ESYT1: variants seen among roughly 807,000 people sequenced by gnomAD.
ESYT1 encodes extended synaptotagmin 1, also known as extended synaptotagmin-1.
In ESYT1, 116 loss-of-function variants were observed where a neutral mutation model predicts 154.2. That is an observed-to-expected ratio of 0.75 (90% CI 0.65 to 0.88). The LOEUF (loss-of-function observed/expected upper bound fraction) is 0.88. ESYT1 is among the 40% of genes least tolerant of loss of function. ESYT1 has a pLI of 0.00. For missense variants in ESYT1, 1,264 were observed against 1,379.3 expected (o/e 0.92, Z 1.32); for synonymous variants, 500 against 539.9 (o/e 0.93, Z 1.02).
At chr12:56,136,060 C>CAAAA (rs72370981) in intron 15 of ESYT1, among the ~76,000 whole-genome samples, 4 of 45,740 alleles carry the variant, frequency 8.7e-5, no homozygotes, top group Admixed American at 4.4e-4. Context: ...ACTCTGTCTC[C>CAAAA]AAAAAAAAAA....
At chr12:56,135,616 G>C (rs1048048851) in intron 15 of ESYT1, among the ~76,000 whole-genome samples, 1 of 151,922 alleles carries the variant, frequency 6.6e-6, no homozygotes, top group Non-Finnish European at 1.5e-5. Context: ...CTAAGGCCAG[G>C]CATGGTGGCT....
chr12:56,142,206 CG>C lies in ESYT1; in HGVS notation c.2593-78del. 1.3e-6 allele frequency: 2 copies of C among 1,545,766 alleles called. No homozygotes were observed. The highest frequency in any genetic ancestry group is 1.8e-6 in the Non-Finnish European group (2 of 1,133,600). On this transcript the variant is annotated intron_variant, in intron 24 of 30. Coordinates refer to ENST00000394048, the MANE Select transcript of ESYT1 (RefSeq NM_015292.3). The surrounding 1 kb of genome is among the most constrained non-coding windows in gnomAD (Gnocchi z 4.1). ...TCACCAAACCACCTATGAGTCCAAGCGTTTGGACCTTTAAAACACCAGGATT... is the reference window on the plus strand; with the variant it reads ...TCACCAAACCACCTATGAGTCCAAGCTTTGGACCTTTAAAACACCAGGATT...
Position 56,128,641 on chromosome 12 carries a change from C to T in ESYT1, c.322C>T (p.Leu108=). ...KERSLRAARQ[L]LDDEEQLTAK... ...ACGGAGCCTTCGAGCAGCGAGGCAG[C>T]TACTGGACGACGAGGAGCAGCTCAC... The change falls in exon 1 of 31, where the codon CTA becomes TTA. Residue 108 remains leucine (L), a synonymous_variant. Coordinates refer to ENST00000394048, the MANE Select transcript of ESYT1 (RefSeq NM_015292.3). 6.2e-7 allele frequency: 1 copy of T among 1,614,174 alleles called. No homozygotes were observed. Among genetic ancestry groups the T allele is most frequent in the Admixed American group, 1.7e-5 (1 of 60,036 alleles).
intron 10 of ESYT1, among the ~76,000 whole-genome samples, 172 bp downstream of exon 10, chr12:56,132,973 G>A (rs1198398111): frequency 6.6e-6 from 1 of 151,944 alleles, no homozygotes; most frequent in Non-Finnish European, 1.5e-5. Flanking sequence ...ACAAAAATTA[G>A]CCGGGTGTGG....
intron 24 of ESYT1, among the ~76,000 whole-genome samples, chr12:56,139,833 C>T (rs10129008): frequency 2.0e-5 from 3 of 151,846 alleles, no homozygotes; most frequent in Non-Finnish European, 4.4e-5. Flanking sequence ...GGTTATCCAT[C>T]CACCTCAGCC....
rs771102034 is a variant in ESYT1 at position 56,133,766 on chromosome 12, A to G, written c.1381-15A>G. 1.9e-6 allele frequency: 3 copies of G among 1,613,628 alleles called. No homozygotes were observed. Among genetic ancestry groups the G allele is most frequent in the Non-Finnish European group, 1.7e-6 (2 of 1,179,738 alleles). On this transcript the variant is annotated splice_polypyrimidine_tract_variant and intron_variant, in intron 12 of 30. Transcript: ENST00000394048. ...GAACGGGGACCAAGATCTGACTACT[A>G]CCACCCCTCCCCAGGTTCTACAGTG...
At position 56,143,310 on chromosome 12, in the gene ESYT1, A is replaced by C. The variant is rs1870790439; in HGVS notation, c.3202A>C (p.Arg1068=). The C allele has an allele frequency of 3.7e-6, 6 of 1,614,120 alleles. No individual in the cohort carries two copies. The highest frequency in any genetic ancestry group is 4.2e-6 in the Non-Finnish European group (5 of 1,180,028). Residue 1068 remains arginine, a synonymous_variant, in exon 29 of 31, where the codon AGA becomes CGA. Transcript: ENST00000394048. The stretch of plus-strand genomic sequence containing the variant: ...CAAGTCTAATTCCTCCTTCATGTCA[A>C]GAGAGCGTGAGCTGCTGGGGAAGGT... ...SVKSNSSFMS[R]ERELLGKVQL... is the part of the protein sequence containing the mutation.
At chr12:56,136,604 A>G in intron 15 of ESYT1, 140 bp from the exon 16 acceptor site, 1 of 687,476 alleles carries the variant, frequency 1.5e-6, no homozygotes, top group East Asian at 3.4e-5. Context: ...AAAAAAAAAA[A>G]AAAAAAGATG....
intron 5 of ESYT1, 28 bp from the exon 6 acceptor site, chr12:56,131,449 A>G: frequency 3.1e-6 from 5 of 1,613,638 alleles, no homozygotes; most frequent in Non-Finnish European, 4.2e-6. Context: ...TTCTGGGGAA[A>G]GGCTTTGATT....
At chr12:56,133,935 G>A in intron 13 of ESYT1, 62 bp downstream of exon 13, 6 of 1,570,456 alleles carry the variant, frequency 3.8e-6, no homozygotes, top group Non-Finnish European at 4.4e-6. Context: ...GCCTTGCTGA[G>A]GATGCAAATG....
chr12:56,133,911 C>A lies in ESYT1; in HGVS notation c.1473+38C>A, dbSNP rs749356191. 10 of 1,598,472 alleles carry A rather than the reference C, an allele frequency of 6.3e-6. No homozygotes were observed. The African/African-American group carries it at 1.1e-4, about 17-fold the overall frequency. ...GGGTGAACAGGAGCCCTGGATGTAA[C>A]ATTCCCCAACCCTGCCTTGCTGAGG... On this transcript the variant is annotated intron_variant, in intron 13 of 30. Transcript: ENST00000394048.
At position 56,136,850 on chromosome 12, in the gene ESYT1, G is replaced by A; in HGVS notation, c.1739G>A (p.Ser580Asn). 6.2e-7 allele frequency: 1 copy of A among 1,612,506 alleles called. No homozygotes were observed. Among genetic ancestry groups the A allele is most frequent in the African/African-American group, 1.3e-5 (1 of 74,976 alleles). The change falls in exon 16 of 31, where the codon AGC (serine) becomes AAC (asparagine). Residue 580 changes from serine (S) to asparagine (N), a missense_variant. Ser to Asn is a conservative substitution (Grantham distance 46). Coordinates refer to ENST00000394048, the MANE Select transcript of ESYT1 (RefSeq NM_015292.3). ...LILDQWFQLS[S>N]SGPNSRLYMK... ...CTGGACCAGTGGTTCCAGCTCAGCA[G>A]CTCTGGTCCAAACTCCAGACTCTAT...
At chr12:56,143,790 A>G (rs750487757) in intron 30 of ESYT1, 33 bp from the exon 31 acceptor site, 3 of 1,613,700 alleles carry the variant, frequency 1.9e-6, no homozygotes, top group South Asian at 2.2e-5. Context: ...ATGACACAAG[A>G]GTCATCTTTC....
At chr12:56,133,349 T>C in intron 10 of ESYT1, 68 bp from the exon 11 acceptor site, 1 of 1,584,800 alleles carries the variant, frequency 6.3e-7, no homozygotes, top group South Asian at 1.1e-5. Context: ...GGAGGGCCAC[T>C]GACATGCTGC....
chr12:56,136,719 A>G, intron 15 of ESYT1, 25 bp from the exon 16 acceptor site: 32 of 1,575,306 alleles, frequency 2.0e-5, no homozygotes, highest in Non-Finnish European at 2.7e-5. Context: ...TCCCTTCACT[A>G]CAGTCCTTCC....
intron 21 of ESYT1, 31 bp downstream of exon 21, chr12:56,138,303 C>T: frequency 6.2e-7 from 1 of 1,613,354 alleles, no homozygotes. Flanking sequence ...AAGGAAGGGA[C>T]CCAAGGTGGG....
intron 1 of ESYT1, among the ~76,000 whole-genome samples, chr12:56,130,153 C>T (rs1407965637): frequency 1.3e-5 from 2 of 152,134 alleles, no homozygotes; most frequent in African/African-American, 4.8e-5. Flanking sequence ...CCTCGTGATC[C>T]GCCGGCCTCG....
At position 56,133,449 on chromosome 12, in the gene ESYT1, C is replaced by A; in HGVS notation, c.1277C>A (p.Ala426Asp). 6.2e-7 allele frequency: 1 copy of A among 1,614,180 alleles called. No homozygotes were observed. Among genetic ancestry groups the A allele is most frequent in the Non-Finnish European group, 8.5e-7 (1 of 1,180,038 alleles). The change falls in exon 11 of 31, where the codon GCT becomes GAT. Residue 426 changes from alanine to aspartate, a missense_variant. Transcript: ENST00000394048. ...MKLDVGKVLQ[A>D]SVLDDWFPLQ... is the part of the protein sequence containing the mutation. ...CTGGATGTAGGGAAGGTGTTACAGG[C>A]TAGCGTTCTGGATGATGTAAGTTGG...
At position 56,128,344 on chromosome 12, in the gene ESYT1, C is replaced by G. The variant is rs1475649082; in HGVS notation, c.25C>G (p.Pro9Ala). Residue 9 changes from proline to alanine, a missense_variant, in exon 1 of 31, where the codon CCC becomes GCC. Coordinates refer to ENST00000394048, the MANE Select transcript of ESYT1 (RefSeq NM_015292.3). MERSPGEG[P>A]SPSPMDQPSA... is the part of the protein sequence containing the mutation. Reference sequence around the variant, plus strand: ...AATGGAGCGATCTCCAGGAGAGGGCCCCAGCCCCAGCCCCATGGACCAGCC... The same window carrying G: ...AATGGAGCGATCTCCAGGAGAGGGCGCCAGCCCCAGCCCCATGGACCAGCC... 6.2e-7 allele frequency: 1 copy of G among 1,611,408 alleles called. No individual in the cohort carries two copies. The highest frequency in any genetic ancestry group is 1.7e-5 in the Admixed American group (1 of 59,698).
Sources: allele counts gnomAD v4.1 joint callset (sites outside exome capture counted in the v4.1 genomes callset), GRCh38; gene constraint gnomAD v4.1.1; non-coding constraint Gnocchi (gnomAD v3.1); transcripts MANE v1.5; gene names NCBI Gene and HGNC (gene_info 2026-07-23, HGNC 2026-07-21).